Variants in MYO16 observed in about 807,000 individuals in gnomAD.
MYO16 encodes the protein unconventional myosin-XVI.
In MYO16, 94 loss-of-function variants were observed where a neutral mutation model predicts 205.3. The ratio of observed to expected loss-of-function variants is 0.46; its 90% CI spans 0.39 to 0.54. The LOEUF (loss-of-function observed/expected upper bound fraction) is 0.54, where lower values mean the gene tolerates loss of function less well. Among genes scored for constraint, MYO16 ranks in the 20% least tolerant of loss-of-function variants. The probability of loss-of-function intolerance (pLI) is 0.00; values close to 1 mark genes in which losing one functional copy is unlikely to be tolerated. For synonymous variants in MYO16, 988 were observed against 954.0 expected, an observed-to-expected ratio of 1.04 and a Z score of -0.66; for missense variants, 2,315 against 2,387.5, an observed-to-expected ratio of 0.97 and a Z score of 0.63.
chr13:109,054,934 T>G, intron 25 of MYO16, 112 bp from the exon 26 acceptor site: 1 of 585,130 alleles, frequency 1.7e-6, no homozygotes, highest in South Asian at 2.5e-5. Context: ...TCTTTCTCTT[T>G]TTTCCTTTCT....
intron 32 of MYO16, among the ~76,000 whole-genome samples, chr13:109,146,829 G>A (rs1183761023): frequency 6.8e-6 from 1 of 147,772 alleles, no homozygotes; most frequent in African/African-American, 2.5e-5. Flanking sequence ...GAAAGAAAGA[G>A]AGAAAGAGAA....
intron 21 of MYO16, among the ~76,000 whole-genome samples, chr13:108,994,738 T>C (rs958064150): frequency 6.6e-6 from 1 of 152,188 alleles, no homozygotes; most frequent in Non-Finnish European, 1.5e-5. Flanking sequence ...AGAGTTGAAA[T>C]TGTGTCTGTG....
the MYO16 span, among the ~76,000 whole-genome samples, chr13:108,544,783 C>T: frequency 6.6e-6 from 1 of 152,148 alleles, no homozygotes; most frequent in Non-Finnish European, 1.5e-5. Context: ...CATCTTTCTG[C>T]TCTCTATCTC....
intron 4 of MYO16, among the ~76,000 whole-genome samples, chr13:108,741,432 G>A (rs865944669): frequency 1.2e-4 from 19 of 152,218 alleles, no homozygotes; most frequent in Middle Eastern, 3.4e-3. Context: ...ACACTTGGGG[G>A]CCACCTTTAA....
intron 20 of MYO16, among the ~76,000 whole-genome samples, chr13:108,982,574 C>G (rs975817772): frequency 6.6e-6 from 1 of 152,088 alleles, no homozygotes; most frequent in African/African-American, 2.4e-5. Context: ...CATGCATATA[C>G]AGTAATTTTA....
chr13:108,509,322 A>G, the MYO16 span, among the ~76,000 whole-genome samples: 1 of 152,192 alleles, frequency 6.6e-6, no homozygotes, highest in Admixed American at 6.5e-5. Flanking sequence ...AACTAGAGAA[A>G]GGGTTTTTGG....
At chr13:109,041,293 C>A (rs893403019) in intron 23 of MYO16, among the ~76,000 whole-genome samples, 1 of 152,158 alleles carries the variant, frequency 6.6e-6, no homozygotes, top group Non-Finnish European at 1.5e-5. Flanking sequence ...GTAATCAGTT[C>A]TCCCCAGATT....
intron 16 of MYO16, among the ~76,000 whole-genome samples, chr13:108,952,369 G>T (rs1231181666): frequency 1.3e-5 from 2 of 152,068 alleles, no homozygotes; most frequent in Non-Finnish European, 2.9e-5. Flanking sequence ...GGGCTCAGGG[G>T]CAAGACGGGG....
chr13:108,752,192 T>G (rs1885258185), intron 4 of MYO16, among the ~76,000 whole-genome samples: 1 of 152,172 alleles, frequency 6.6e-6, no homozygotes, highest in Non-Finnish European at 1.5e-5. Context: ...AATGTGGGTT[T>G]TCCAACAAAA....
chr13:108,954,155 A>C (rs1883258612), intron 16 of MYO16, among the ~76,000 whole-genome samples: 2 of 152,220 alleles, frequency 1.3e-5, no homozygotes, highest in African/African-American at 4.8e-5. Context: ...AGTAAAATAA[A>C]ATGGAGGATG....
rs116251435 is a variant in MYO16, at chr13:108,875,465, T to C, written c.1426-7594T>C. Among the ~76,000 whole-genome samples, 336 of 152,266 alleles carry C rather than the reference T, an allele frequency of 2.2e-3. 3 individuals are homozygous for C. The highest frequency in any genetic ancestry group is 7.7e-3 in the African/African-American group (320 of 41,554). On this transcript the variant is annotated intron_variant, in intron 12 of 34. Coordinates refer to ENST00000457511, the MANE Select transcript of MYO16 (RefSeq NM_001198950.3). ...ATTATATTATGTATAAAGCATAGAA[T>C]TGGCATCAGGTAATGTGTTGCCAGG...
At chr13:109,077,566 A>G (rs1044882212) in intron 27 of MYO16, among the ~76,000 whole-genome samples, 1 of 152,168 alleles carries the variant, frequency 6.6e-6, no homozygotes, top group South Asian at 2.1e-4. Flanking sequence ...TGTGGAAGGC[A>G]TTTTTATGAG....
At chr13:108,816,651 G>C (rs1259754437) in intron 7 of MYO16, among the ~76,000 whole-genome samples, 1 of 152,172 alleles carries the variant, frequency 6.6e-6, no homozygotes, top group African/African-American at 2.4e-5. Flanking sequence ...TCTCGCTTTT[G>C]TAAGCCAGCT....
chr13:108,849,403 C>T (rs990617192), intron 10 of MYO16, among the ~76,000 whole-genome samples: 1 of 152,090 alleles, frequency 6.6e-6, no homozygotes, highest in African/African-American at 2.4e-5. Flanking sequence ...GTTAGTCAGG[C>T]TGGTCTAGAA....
rs1187154505 is a variant in MYO16 at position 108,897,927 on chromosome 13, A to AAGT, written c.1660-87_1660-85dup. The stretch of plus-strand genomic sequence containing the variant: ...GCAGGATAGAAACTTTCAGACCAAG[A>AAGT]AGTATTATTCACTGCATCGTCGCTA... On this transcript the variant is annotated intron_variant, in intron 14 of 34. Coordinates refer to ENST00000457511, the MANE Select transcript of MYO16 (RefSeq NM_001198950.3). 7.8e-6 allele frequency: 8 copies of AAGT among 1,025,664 alleles called. No individual in the cohort carries two copies. In the East Asian group the frequency reaches 1.9e-4, roughly 24 times the overall value. The allele number at this position is 1,025,664 out of a possible 1,614,324, so 63.5% of individuals were successfully genotyped here.
intron 1 of MYO16, among the ~76,000 whole-genome samples, chr13:108,661,280 T>C (rs896422026): frequency 6.6e-6 from 1 of 152,202 alleles, no homozygotes; most frequent in Non-Finnish European, 1.5e-5. Context: ...TTTTTTGTGA[T>C]GAATTTCCCA....
In MYO16 at chr13:109,141,131, C is replaced by T; in HGVS notation, c.4919C>T (p.Pro1640Leu). Residue 1640 changes from proline (P) to leucine (L), a missense_variant, in exon 32 of 35, where the codon CCA (proline) becomes CTA (leucine). Pro to Leu is a moderately conservative substitution (Grantham distance 98). Transcript: ENST00000457511. The surrounding 1 kb of genome is among the most constrained non-coding windows in gnomAD (Gnocchi z 4.1). ...GPSAEAPKVH[P>L]KPNSAPVAGP... ...AGCGCAGAGGCGCCCAAGGTTCACC[C>T]AAAGCCAAACTCTGCCCCCGTGGCC... 2 of 1,590,082 alleles carry T rather than the reference C, an allele frequency of 1.3e-6. No homozygotes were observed. The highest frequency in any genetic ancestry group is 1.7e-6 in the Non-Finnish European group (2 of 1,168,910).
chr13:109,027,359 G>A (rs1886397160), intron 23 of MYO16, among the ~76,000 whole-genome samples: 1 of 152,156 alleles, frequency 6.6e-6, no homozygotes, highest in African/African-American at 2.4e-5. Context: ...ATATTCTGTT[G>A]ATCTGGGTGG....
chr13:108,649,047 G>A (rs7327641), intron 1 of MYO16, among the ~76,000 whole-genome samples: 26,414 of 148,090 alleles, frequency 0.18, 3,648 homozygotes, highest in African/African-American at 0.38. Context: ...TCCCAGGAAG[G>A]GGAACATCAC....
Sources: gnomAD v4.1 joint callset for allele counts (sites outside exome capture counted in the v4.1 genomes callset) on GRCh38, gnomAD v4.1.1 for gene constraint, Gnocchi (gnomAD v3.1) non-coding constraint, MANE v1.5 for transcripts, NCBI Gene and HGNC (gene_info 2026-07-23, HGNC 2026-07-21) for gene names.